Variants in TNNI3K observed in about 807,000 individuals in gnomAD.
The protein encoded by TNNI3K is serine/threonine-protein kinase TNNI3K.
A neutral mutation model predicts 114.5 loss-of-function variants in TNNI3K; 140 were observed. That is an observed-to-expected ratio of 1.22 (90% CI 1.07 to 1.41). The LOEUF is 1.41. TNNI3K is among the 40% of genes most tolerant of loss of function. The probability of loss-of-function intolerance (pLI) is 0.00; values close to 1 mark genes in which losing one functional copy is unlikely to be tolerated. For synonymous variants in TNNI3K, 347 were observed against 347.5 expected (o/e 1.00, Z 0.02); for missense variants, 1,125 against 1,007.6 (o/e 1.12, Z -1.58).
At chr1:74,257,959 G>T (rs1655430846) in intron 4 of TNNI3K, among the ~76,000 whole-genome samples, 1 of 152,082 alleles carries the variant, frequency 6.6e-6, no homozygotes, top group Non-Finnish European at 1.5e-5. Flanking sequence ...GAGCCACCGT[G>T]CCCGGCCGCC....
chr1:74,403,500 A>C (rs1297030286), intron 17 of TNNI3K, among the ~76,000 whole-genome samples: 3 of 152,188 alleles, frequency 2.0e-5, no homozygotes, highest in African/African-American at 7.2e-5. Flanking sequence ...TTGAACATAA[A>C]GTGGGGTTCA....
Position 74,436,480 on chromosome 1 carries a change from G to A in TNNI3K, c.1832G>A (p.Arg611Lys). 6.3e-7 allele frequency: 1 copy of A among 1,578,864 alleles called. No homozygotes were observed. The highest frequency in any genetic ancestry group is 8.5e-7 in the Non-Finnish European group (1 of 1,170,640). ...HAVVADFGES[R>K]FLQSLDEDNM... ...TATTTTCTCTTTCCCTCAGAATCAA[G>A]ATTTCTACAGTCTCTGGATGAAGAC... The change falls in exon 19 of 25, where the codon AGA becomes AAA. Residue 611 changes from arginine to lysine, a missense_variant. Transcript: ENST00000326637.
intron 17 of TNNI3K, among the ~76,000 whole-genome samples, chr1:74,388,831 T>G (rs905776335): frequency 2.0e-5 from 3 of 152,150 alleles, no homozygotes; most frequent in Non-Finnish European, 4.4e-5. Flanking sequence ...GAGTAACATC[T>G]CTCAGGAATG....
chr1:74,510,015 G>A (rs1189912932), intron 23 of TNNI3K, among the ~76,000 whole-genome samples: 2 of 152,032 alleles, frequency 1.3e-5, no homozygotes, highest in South Asian at 2.1e-4. Flanking sequence ...TCCAAGGTGT[G>A]AGCCTATGCG....
At chr1:74,466,668 G>A (rs1399829780) in intron 21 of TNNI3K, among the ~76,000 whole-genome samples, 2 of 152,148 alleles carry the variant, frequency 1.3e-5, no homozygotes, top group African/African-American at 4.8e-5. Flanking sequence ...CTTGGCTCTG[G>A]TAACCACCTC....
At position 74,369,236 on chromosome 1, in the gene TNNI3K, T is replaced by G; in HGVS notation, c.1444T>G (p.Cys482Gly). 1 of 1,612,166 alleles carries G rather than the reference T, an allele frequency of 6.2e-7. No homozygotes were observed. Residue 482 changes from cysteine to glycine, a missense_variant, in exon 15 of 25, where the codon TGC becomes GGC. Physicochemically the swap from Cys to Gly is radical, Grantham distance 159. Coordinates refer to ENST00000326637, the MANE Select transcript of TNNI3K (RefSeq NM_015978.3). ...TTTTGGGAAAGTATATAAAGGACGA[T>G]GCAGAAATAAAATAGTGGCTATAAA... is the stretch of plus-strand genomic sequence containing the variant. ...GSFGKVYKGR[C>G]RNKIVAIKRY... is the part of the protein sequence containing the mutation.
Position 74,260,395 on chromosome 1 carries a change from G to T in TNNI3K, c.333+9626G>T, listed in dbSNP as rs140628329. Among the ~76,000 whole-genome samples the T allele has an allele frequency of 3.9e-3, 597 of 152,228 alleles. 4 individuals carry two copies. The highest frequency in any genetic ancestry group is 0.014 in the African/African-American group (571 of 41,554). On this transcript the variant is annotated intron_variant, in intron 4 of 24. Coordinates refer to ENST00000326637, the MANE Select transcript of TNNI3K (RefSeq NM_015978.3). Reference sequence around the variant, plus strand: ...GATATTATGTAGCTTAAGAAAGACTGTCAGCTTAGAAGCTAGAATACTTCT... The same window carrying T: ...GATATTATGTAGCTTAAGAAAGACTTTCAGCTTAGAAGCTAGAATACTTCT...
chr1:74,369,353 T>A lies in TNNI3K; in HGVS notation c.1473-38T>A. 3.1e-6 allele frequency: 5 copies of A among 1,607,070 alleles called. No individual in the cohort carries two copies. In the South Asian group the frequency reaches 5.6e-5, roughly 18 times the overall value. On this transcript the variant is annotated intron_variant, in intron 15 of 24. Transcript: ENST00000326637. ...ATGGCAAGCCCCTTGTTTGGATCCA[T>A]CTGTTTACTGAAGATTTTCTGTTGC...
At chr1:74,361,508 A>G (rs1044590854) in intron 11 of TNNI3K, among the ~76,000 whole-genome samples, 1 of 152,098 alleles carries the variant, frequency 6.6e-6, no homozygotes, top group Non-Finnish European at 1.5e-5. Context: ...TCATTCGTTC[A>G]ACAAAAATGT....
intron 17 of TNNI3K, among the ~76,000 whole-genome samples, chr1:74,415,571 T>A (rs1056972772): frequency 2.6e-5 from 4 of 152,132 alleles, no homozygotes; most frequent in South Asian, 4.1e-4. Flanking sequence ...ATCTTTGTCT[T>A]TTAATATTTG....
chr1:74,437,710 G>C (rs566868987), intron 19 of TNNI3K, among the ~76,000 whole-genome samples: 1 of 151,944 alleles, frequency 6.6e-6, no homozygotes, highest in South Asian at 2.1e-4. Context: ...CTTTTGGCAG[G>C]ACACAAAGCT....
intron 21 of TNNI3K, among the ~76,000 whole-genome samples, chr1:74,478,170 T>C (rs960170375): frequency 2.0e-5 from 3 of 152,052 alleles, no homozygotes; most frequent in Non-Finnish European, 4.4e-5. Context: ...TCAGAAAGAG[T>C]GGAATCTTAA....
chr1:74,359,874 ATT>A (rs568319698), intron 11 of TNNI3K, among the ~76,000 whole-genome samples: 1 of 150,414 alleles, frequency 6.6e-6, no homozygotes, highest in Non-Finnish European at 1.5e-5. Context: ...TGAACTTAAC[ATT>A]TTTTTTTGTC....
chr1:74,237,167 T>C (rs1305398528), intron 2 of TNNI3K, among the ~76,000 whole-genome samples: 1 of 151,966 alleles, frequency 6.6e-6, no homozygotes, highest in Non-Finnish European at 1.5e-5. Flanking sequence ...CTTTCACAAG[T>C]GTTCAACTTA....
intron 17 of TNNI3K, among the ~76,000 whole-genome samples, chr1:74,421,629 T>A (rs988536237): frequency 6.6e-6 from 1 of 152,096 alleles, no homozygotes; most frequent in Non-Finnish European, 1.5e-5. Flanking sequence ...GAAAAATGAT[T>A]GCAAAATGAG....
chr1:74,241,880 CG>C (rs1348014451), intron 2 of TNNI3K, among the ~76,000 whole-genome samples: 3 of 147,004 alleles, frequency 2.0e-5, no homozygotes, highest in Admixed American at 6.8e-5. Flanking sequence ...GACGGAGTCT[CG>C]CTCTGTCGCC....
intron 20 of TNNI3K, among the ~76,000 whole-genome samples, chr1:74,462,420 A>T (rs939941358): frequency 1.3e-5 from 2 of 152,202 alleles, no homozygotes; most frequent in East Asian, 3.8e-4. Flanking sequence ...GATGCAGAGC[A>T]GTTTTTGTGA....
At chr1:74,417,432 G>A (rs1360652400) in intron 17 of TNNI3K, among the ~76,000 whole-genome samples, 1 of 152,020 alleles carries the variant, frequency 6.6e-6, no homozygotes, top group Non-Finnish European at 1.5e-5. Context: ...CCATTGGCCT[G>A]GCCAAAACTT....
chr1:74,426,517 G>A (rs1206529993), intron 17 of TNNI3K, among the ~76,000 whole-genome samples: 4 of 151,872 alleles, frequency 2.6e-5, no homozygotes, highest in African/African-American at 4.8e-5. Flanking sequence ...GTACACCTAC[G>A]CCAGGGTCTT....
Sources: gnomAD v4.1 joint callset for allele counts (sites outside exome capture counted in the v4.1 genomes callset) on GRCh38, gnomAD v4.1.1 for gene constraint, MANE v1.5 for transcripts, NCBI Gene and HGNC (gene_info 2026-07-23, HGNC 2026-07-21) for gene names.